The following KANK1 variants were observed in gnomAD, a reference collection of about 807,000 sequenced individuals.
KANK1 encodes KN motif and ankyrin repeat domains 1.
Under a neutral mutation model 106.2 loss-of-function variants are expected in KANK1, and 109 were observed. The ratio of observed to expected loss-of-function variants is 1.03; its 90% CI spans 0.88 to 1.20. The LOEUF is 1.20. Ranked by LOEUF, KANK1 falls within the 50% of genes most tolerant of loss-of-function variation. The probability of loss-of-function intolerance (pLI) is 0.00; values close to 1 mark genes in which losing one functional copy is unlikely to be tolerated. For missense variants in KANK1, 2,399 were observed against 1,710.7 expected, an observed-to-expected ratio of 1.40 and a Z score of -7.10; for synonymous variants, 873 against 652.2, an observed-to-expected ratio of 1.34 and a Z score of -5.16.
intron 1 of KANK1, among the ~76,000 whole-genome samples, chr9:541,737 A>G (rs1013534056): frequency 6.6e-6 from 1 of 152,206 alleles, no homozygotes; most frequent in African/African-American, 2.4e-5. Context: ...AGGGGTTAAT[A>G]TATAAAATAT....
chr9:615,840 G>A (rs976716156), intron 1 of KANK1, among the ~76,000 whole-genome samples: 8 of 152,154 alleles, frequency 5.3e-5, no homozygotes, highest in Non-Finnish European at 8.8e-5. Flanking sequence ...ATGAAAGAAC[G>A]AACAGGGAAA....
chr9:691,974 G>A (rs570300553), intron 2 of KANK1, among the ~76,000 whole-genome samples: 149 of 152,162 alleles, frequency 9.8e-4, no homozygotes, highest in Non-Finnish European at 1.5e-3. Flanking sequence ...GGTAAATGTG[G>A]CACTAGTTGA....
chr9:502,839 A>G (rs1238977988), upstream of KANK1, among the ~76,000 whole-genome samples: 1 of 151,436 alleles, frequency 6.6e-6, no homozygotes, highest in Non-Finnish European at 1.5e-5. Context: ...GGCACTATTT[A>G]TTTATTTATT....
At chr9:528,859 T>G (rs2059928180) in intron 1 of KANK1, among the ~76,000 whole-genome samples, 1 of 151,850 alleles carries the variant, frequency 6.6e-6, no homozygotes, top group African/African-American at 2.4e-5. Context: ...GAATGCAGTC[T>G]TATGATCACT....
intron 2 of KANK1, among the ~76,000 whole-genome samples, chr9:681,667 C>A (rs1043303092): frequency 6.6e-6 from 1 of 152,152 alleles, no homozygotes; most frequent in Admixed American, 6.5e-5. Context: ...CACCATTCCC[C>A]TTGTTCTCTT....
At chr9:732,056 G>C (rs1193042712) in intron 5 of KANK1, 2 of 198,820 alleles carry the variant, frequency 1.0e-5, no homozygotes, top group Admixed American at 5.4e-5. Context: ...ATGGGGTGGG[G>C]GGGGGACAAA....
intron 1 of KANK1, among the ~76,000 whole-genome samples, chr9:528,236 C>A (rs191928572): frequency 6.6e-6 from 1 of 151,736 alleles, no homozygotes; most frequent in Non-Finnish European, 1.5e-5. Context: ...ATGGCCTTCT[C>A]AAACTGGGAA....
chr9:675,898 G>T (rs1460867677), intron 1 of KANK1, among the ~76,000 whole-genome samples: 1 of 152,168 alleles, frequency 6.6e-6, no homozygotes, highest in African/African-American at 2.4e-5. Context: ...TGCAGGAAAG[G>T]GGTGGGTAGT....
At chr9:634,188 C>T (rs752067058) in intron 1 of KANK1, among the ~76,000 whole-genome samples, 1 of 152,154 alleles carries the variant, frequency 6.6e-6, no homozygotes, top group Non-Finnish European at 1.5e-5. Flanking sequence ...ATCAATCTCC[C>T]CAAAGGCTCA....
At chr9:710,746 A>G (rs1825810344) in intron 2 of KANK1, 58 bp from the exon 3 acceptor site, 1 of 1,464,942 alleles carries the variant, frequency 6.8e-7, no homozygotes, top group Admixed American at 2.3e-5. Context: ...CACAAATATT[A>G]GTTTTTACCA....
Position 670,949 on chromosome 9 carries a change from G to GTTTT in KANK1, c.-83-5915_-83-5912dup, listed in dbSNP as rs5895857. 4.9e-5 allele frequency among the ~76,000 whole-genome samples: 5 copies of GTTTT among 103,044 alleles called. 1 individual carries two copies. Among genetic ancestry groups the GTTTT allele is most frequent in the Non-Finnish European group, 8.5e-5 (4 of 46,958 alleles). 67.6% of individuals were successfully genotyped at this position (103,044 alleles called of 152,430 possible). A position where few individuals can be genotyped will look rare whatever the true frequency, so the allele number is the denominator to read the frequency against. On this transcript the variant is annotated intron_variant, in intron 1 of 11. Coordinates refer to ENST00000382297, the MANE Select transcript of KANK1 (RefSeq NM_015158.5). The stretch of plus-strand genomic sequence containing the variant: ...TCTGATTCTCTTACTGTCTGCTGGA[G>GTTTT]TTTTTTTTTTTTTTTTTTTTTTTTT...
intron 1 of KANK1, among the ~76,000 whole-genome samples, chr9:634,045 C>G (rs1297943530): frequency 6.6e-6 from 1 of 152,220 alleles, no homozygotes; most frequent in African/African-American, 2.4e-5. Context: ...CAGAAATGAA[C>G]TTCTGGGGTT....
intron 1 of KANK1, among the ~76,000 whole-genome samples, chr9:588,401 T>G (rs1187592400): frequency 2.0e-5 from 3 of 152,310 alleles, no homozygotes; most frequent in Middle Eastern, 6.8e-3. Flanking sequence ...TAGGATAAAT[T>G]GCCAGAAGTG....
At chr9:740,166 A>AG (rs2132155092) in intron 8 of KANK1, among the ~76,000 whole-genome samples, 1 of 152,338 alleles carries the variant, frequency 6.6e-6, no homozygotes, top group South Asian at 2.1e-4. Context: ...TTATCCCTGA[A>AG]GACTCCTTAA....
intron 1 of KANK1, among the ~76,000 whole-genome samples, chr9:569,992 T>A (rs881985): frequency 6.6e-6 from 1 of 152,098 alleles, no homozygotes; most frequent in Admixed American, 6.5e-5. Flanking sequence ...TTTTCATTAC[T>A]TTCAACACAG....
At position 602,090 on chromosome 9, in the gene KANK1, A is replaced by G. The variant is rs562258189; in HGVS notation, c.-83-74800A>G. Among the ~76,000 whole-genome samples, 16 of 151,988 alleles carry G rather than the reference A, an allele frequency of 1.1e-4. 1 individual carries two copies. In the South Asian group the frequency reaches 3.1e-3, roughly 30 times the overall value. On this transcript the variant is annotated intron_variant, in intron 1 of 11. Transcript: ENST00000382297. The stretch of plus-strand genomic sequence containing the variant: ...TGTTGAGTTGTTAAAATCAATGCAC[A>G]TACCCTGTAGAAAAATAGGTTCTTT...
At chr9:669,929 T>A (rs976176157) in intron 1 of KANK1, among the ~76,000 whole-genome samples, 2 of 152,170 alleles carry the variant, frequency 1.3e-5, no homozygotes, top group Admixed American at 6.6e-5. Context: ...TTCCATTCAT[T>A]TTACTTTTTC....
intron 1 of KANK1, among the ~76,000 whole-genome samples, chr9:588,569 G>C (rs531912094): frequency 2.0e-5 from 3 of 151,860 alleles, no homozygotes; most frequent in Middle Eastern, 3.4e-3. Context: ...AGCAACATTG[G>C]TAGTTAGCAA....
chr9:676,474 T>G lies in KANK1; in HGVS notation c.-83-416T>G, dbSNP rs1360551127. 2.0e-5 allele frequency among the ~76,000 whole-genome samples: 3 copies of G among 152,314 alleles called. No homozygotes were observed. The East Asian group carries it at 5.8e-4, about 29-fold the overall frequency. ...TTAATCTTTTTAAAAATGTAAACAT[T>G]TGGTGCAATAATTGCTTTGAAATTG... On this transcript the variant is annotated intron_variant, in intron 1 of 11. Coordinates refer to ENST00000382297, the MANE Select transcript of KANK1 (RefSeq NM_015158.5).
Sources: allele counts gnomAD v4.1 joint callset (sites outside exome capture counted in the v4.1 genomes callset), GRCh38; gene constraint gnomAD v4.1.1; transcripts MANE v1.5; gene names NCBI Gene and HGNC (gene_info 2026-07-23, HGNC 2026-07-21).